Variants in RIPOR2 observed in about 807,000 individuals in gnomAD.
The protein encoded by RIPOR2 is RHO family interacting cell polarization regulator 2.
A neutral mutation model predicts 114.5 loss-of-function variants in RIPOR2; 39 were observed. That is an observed-to-expected ratio of 0.34 (90% CI 0.26 to 0.44). RIPOR2 has a LOEUF of 0.44. RIPOR2 is among the 20% of genes least tolerant of loss of function. RIPOR2 has a pLI of 1.00. For synonymous variants in RIPOR2, 445 were observed against 484.4 expected, an observed-to-expected ratio of 0.92 and a Z score of 1.07; for missense variants, 1,007 against 1,255.1, an observed-to-expected ratio of 0.80 and a Z score of 2.99.
chr6:24,894,408 C>T (rs977573907), intron 1 of RIPOR2, among the ~76,000 whole-genome samples: 2 of 152,202 alleles, frequency 1.3e-5, no homozygotes, highest in African/African-American at 4.8e-5. Context: ...AGAACTGGAA[C>T]TGGAATGAGG....
chr6:24,881,681 A>G (rs1386714552), intron 1 of RIPOR2, among the ~76,000 whole-genome samples: 1 of 150,842 alleles, frequency 6.6e-6, no homozygotes, highest in Non-Finnish European at 1.5e-5. Flanking sequence ...TATAATAAGT[A>G]TAAGATTTTA....
intron 8 of RIPOR2, among the ~76,000 whole-genome samples, chr6:24,856,790 A>G (rs2113810126): frequency 6.6e-6 from 1 of 152,316 alleles, no homozygotes; most frequent in Middle Eastern, 3.4e-3. Flanking sequence ...TTAGTTCAGG[A>G]TTAATCTATT....
intron 1 of RIPOR2, among the ~76,000 whole-genome samples, chr6:25,034,493 A>G (rs1308694348): frequency 6.6e-6 from 1 of 152,182 alleles, no homozygotes; most frequent in Non-Finnish European, 1.5e-5. Context: ...CTTACCCCCA[A>G]CTTGATACAC....
At chr6:25,006,139 A>G (rs866625598) in intron 1 of RIPOR2, among the ~76,000 whole-genome samples, 3 of 152,216 alleles carry the variant, frequency 2.0e-5, no homozygotes, top group Non-Finnish European at 2.9e-5. Context: ...CCACTCAGAA[A>G]TAAATACTGT....
chr6:25,026,558 C>T (rs1261522488), intron 1 of RIPOR2, among the ~76,000 whole-genome samples: 1 of 152,134 alleles, frequency 6.6e-6, no homozygotes, highest in East Asian at 1.9e-4. Flanking sequence ...TTCTAGAAGG[C>T]AATACTTTGT....
chr6:24,945,436 T>C (rs1422765367), intron 1 of RIPOR2, among the ~76,000 whole-genome samples: 1 of 152,188 alleles, frequency 6.6e-6, no homozygotes, highest in Non-Finnish European at 1.5e-5. Context: ...AGAGCACTGG[T>C]AGAAGTAACT....
At chr6:24,860,943 C>T in intron 8 of RIPOR2, 30 bp downstream of exon 8, 1 of 1,446,602 alleles carries the variant, frequency 6.9e-7, no homozygotes, top group Non-Finnish European at 9.7e-7. Context: ...GAGATGGCTC[C>T]TTATTCTCTC....
At chr6:24,871,033 A>G (rs1253561452) in intron 4 of RIPOR2, 144 bp from the exon 5 acceptor site, 1 of 546,780 alleles carries the variant, frequency 1.8e-6, no homozygotes, top group East Asian at 3.3e-5. Flanking sequence ...GTTTTACTTT[A>G]AAAGAATAAA....
At chr6:24,844,253 G>T (rs1469361190) in intron 12 of RIPOR2, among the ~76,000 whole-genome samples, 3 of 152,188 alleles carry the variant, frequency 2.0e-5, no homozygotes, top group Admixed American at 6.5e-5. Context: ...GCAGACCTGG[G>T]TGGTGTCACA....
At chr6:24,920,888 C>G (rs927540481) in intron 1 of RIPOR2, among the ~76,000 whole-genome samples, 1 of 152,126 alleles carries the variant, frequency 6.6e-6, no homozygotes, top group East Asian at 1.9e-4. Flanking sequence ...TTTTCCCATA[C>G]CCCCAGTATT....
intron 1 of RIPOR2, chr6:25,023,588 A>G (rs1360590047): frequency 2.6e-6 from 2 of 768,306 alleles, no homozygotes; most frequent in East Asian, 4.9e-5. Flanking sequence ...CTCCCAGTCC[A>G]TGGTGAAGGC....
intron 1 of RIPOR2, among the ~76,000 whole-genome samples, chr6:24,971,452 C>T (rs893952251): frequency 6.6e-6 from 1 of 152,244 alleles, no homozygotes; most frequent in African/African-American, 2.4e-5. Context: ...GGAGTGCTCT[C>T]GCAGCCTGTT....
intron 1 of RIPOR2, among the ~76,000 whole-genome samples, chr6:24,916,030 A>C (rs2114089774): frequency 1.3e-5 from 2 of 152,340 alleles, no homozygotes; most frequent in Middle Eastern, 6.8e-3. Flanking sequence ...TTGCCAGTAG[A>C]GAACTCAGTG....
chr6:24,839,799 G>T, intron 13 of RIPOR2: 1 of 1,364,026 alleles, frequency 7.3e-7, no homozygotes. Flanking sequence ...ATTCCAAGTG[G>T]CAATGTCTTC....
intron 1 of RIPOR2, among the ~76,000 whole-genome samples, chr6:24,957,129 T>C (rs1773074825): frequency 6.6e-6 from 1 of 152,232 alleles, no homozygotes; most frequent in Non-Finnish European, 1.5e-5. Context: ...AATTAATTGA[T>C]TGATGTATTA....
chr6:24,899,975 A>G (rs1436929836), intron 1 of RIPOR2, among the ~76,000 whole-genome samples: 1 of 152,178 alleles, frequency 6.6e-6, no homozygotes, highest in South Asian at 2.1e-4. Flanking sequence ...TGAACCTTTC[A>G]GATGGAGGAT....
chr6:24,819,649 C>T (rs927604175), intron 19 of RIPOR2, among the ~76,000 whole-genome samples: 1 of 91,730 alleles, frequency 1.1e-5, no homozygotes, highest in South Asian at 5.0e-4. Context: ...GTGCCCACCA[C>T]CACGCCCAGC....
rs904165310 is a variant in RIPOR2 at position 24,805,476 on chromosome 6, C to T, written c.*897G>A. The stretch of plus-strand genomic sequence containing the variant: ...TAGTGTAATCTCAGCTTACTGCAAC[C>T]TCTGCCTCAAGTGATCCTCCCACCT... On this transcript the variant is annotated 3_prime_UTR_variant, in exon 22 of 22. Transcript: ENST00000643898. The T allele has an allele frequency of 6.6e-6, 1 of 151,724 alleles. No homozygotes were observed. Among genetic ancestry groups the T allele is most frequent in the African/African-American group, 2.4e-5 (1 of 41,264 alleles). The allele number at this position is 151,724 out of a possible 1,614,324, so 9.4% of individuals were successfully genotyped here. A position where few individuals can be genotyped will look rare whatever the true frequency, so the allele number is the denominator to read the frequency against.
chr6:24,839,031 A>G, intron 14 of RIPOR2, 60 bp downstream of exon 14: 1 of 1,368,566 alleles, frequency 7.3e-7, no homozygotes, highest in Non-Finnish European at 1.0e-6. Context: ...GACAGTAACA[A>G]AGAACTACTG....
Sources: gnomAD v4.1 joint callset for allele counts (sites outside exome capture counted in the v4.1 genomes callset) on GRCh38, gnomAD v4.1.1 for gene constraint, MANE v1.5 for transcripts, NCBI Gene and HGNC (gene_info 2026-07-23, HGNC 2026-07-21) for gene names.